The following MCC variants were observed in gnomAD, a reference collection of about 807,000 sequenced individuals.
MCC encodes the protein MCC regulator of Wnt signaling pathway.
Under a neutral mutation model 116.2 loss-of-function variants are expected in MCC, and 90 were observed. That is an observed-to-expected ratio of 0.77 (90% CI 0.65 to 0.92). MCC has a LOEUF of 0.92. MCC is among the 40% of genes least tolerant of loss of function. The pLI is 0.00. For synonymous variants in MCC, 578 were observed against 510.5 expected (o/e 1.13, Z -1.78); for missense variants, 1,516 against 1,312.2 (o/e 1.16, Z -2.40).
At chr5:113,360,296 G>C (rs1406032613) in intron 2 of MCC, among the ~76,000 whole-genome samples, 1 of 152,136 alleles carries the variant, frequency 6.6e-6, no homozygotes, top group Non-Finnish European at 1.5e-5. Context: ...TCTTAATGTG[G>C]TGGATTACAT....
chr5:113,139,831 C>G (rs112262256), intron 5 of MCC, among the ~76,000 whole-genome samples: 1,625 of 152,290 alleles, frequency 0.011, 18 homozygotes, highest in Non-Finnish European at 0.017. Context: ...AAGCGATTCT[C>G]CTGCCTCAGC....
chr5:113,403,303 A>T (rs769527420), intron 1 of MCC, among the ~76,000 whole-genome samples: 2 of 152,174 alleles, frequency 1.3e-5, no homozygotes, highest in Non-Finnish European at 2.9e-5. Context: ...AAGAACATTT[A>T]AGTCTATTTC....
chr5:113,339,449 G>C (rs1192315921), intron 3 of MCC, among the ~76,000 whole-genome samples: 1 of 151,786 alleles, frequency 6.6e-6, no homozygotes, highest in East Asian at 1.9e-4. Context: ...GCGTGCATGT[G>C]TGTTTTACTG....
At chr5:113,280,880 A>G (rs945056206) in intron 3 of MCC, among the ~76,000 whole-genome samples, 1 of 152,212 alleles carries the variant, frequency 6.6e-6, no homozygotes, top group African/African-American at 2.4e-5. Flanking sequence ...GAGATGACCC[A>G]GCCATGGAAG....
chr5:113,221,848 A>G (rs1021212000), intron 3 of MCC, among the ~76,000 whole-genome samples: 2 of 151,006 alleles, frequency 1.3e-5, no homozygotes, highest in Non-Finnish European at 2.9e-5. Context: ...AACATTTGGG[A>G]AGACTGATTT....
At chr5:113,033,795 C>T (rs1751127154) in intron 17 of MCC, among the ~76,000 whole-genome samples, 1 of 152,220 alleles carries the variant, frequency 6.6e-6, no homozygotes, top group Non-Finnish European at 1.5e-5. Flanking sequence ...TCCCCCAGTA[C>T]ACACATGGAT....
intron 3 of MCC, among the ~76,000 whole-genome samples, chr5:113,289,466 A>G: frequency 6.6e-6 from 1 of 152,048 alleles, no homozygotes; most frequent in East Asian, 1.9e-4. Flanking sequence ...GGTGTTTTCT[A>G]CTTACTTCTT....
Position 113,340,622 on chromosome 5 carries a change from C to T in MCC, c.524G>A (p.Gly175Asp). ...QSALQKLLEY[G>D]GSSLHQQAAL... ...AGCCTGCTGATGCAAAGAGCTTCCGCCATACTCGAGCAGCTTCTGGAGGGC... is the reference window on the plus strand; with the variant it reads ...AGCCTGCTGATGCAAAGAGCTTCCGTCATACTCGAGCAGCTTCTGGAGGGC... The change falls in exon 3 of 19, where the codon GGC becomes GAC. Residue 175 changes from glycine to aspartate, a missense_variant. Transcript: ENST00000408903. The T allele has an allele frequency of 1.2e-6, 2 of 1,614,146 alleles. No individual in the cohort carries two copies. The highest frequency in any genetic ancestry group is 1.1e-5 in the South Asian group (1 of 91,086).
chr5:113,416,010 C>A (rs1443871815), intron 1 of MCC, among the ~76,000 whole-genome samples: 1 of 152,012 alleles, frequency 6.6e-6, no homozygotes, highest in Non-Finnish European at 1.5e-5. Flanking sequence ...TGTTAGTTTC[C>A]TTCTAACAGT....
chr5:113,248,963 C>T (rs528650865), intron 3 of MCC, among the ~76,000 whole-genome samples: 1 of 152,122 alleles, frequency 6.6e-6, no homozygotes, highest in African/African-American at 2.4e-5. Context: ...CCTGCCTCAG[C>T]CTCCCGAGTA....
Position 113,385,155 on chromosome 5 carries a change from G to A in MCC, c.228C>T (p.Ile76=), listed in dbSNP as rs1769223863. 6.2e-7 allele frequency: 1 copy of A among 1,614,104 alleles called. No individual in the cohort carries two copies. ...TTTCATCTGCTCCCAACTGGTTCAT[G>A]ATCTCAGCCACAGACTCTTCCATAT... ...QLNMEESVAE[I]MNQLGADENG... Residue 76 remains isoleucine, a synonymous_variant, in exon 2 of 19, where the codon ATC becomes ATT. Transcript: ENST00000408903.
intron 3 of MCC, among the ~76,000 whole-genome samples, chr5:113,287,218 A>T (rs957538020): frequency 5.4e-5 from 8 of 148,648 alleles, no homozygotes; most frequent in African/African-American, 2.0e-4. Flanking sequence ...CTGATTTTAT[A>T]ACCTTGCCAA....
In MCC at chr5:113,200,227, C is replaced by T. The variant is rs6859318; in HGVS notation, c.628-48805G>A. Among the ~76,000 whole-genome samples, 1,115 of 152,234 alleles carry T rather than the reference C, an allele frequency of 7.3e-3. 13 individuals are homozygous for T. Among genetic ancestry groups the T allele is most frequent in the African/African-American group, 0.025 (1,033 of 41,538 alleles). On this transcript the variant is annotated intron_variant, in intron 3 of 18. Transcript: ENST00000408903. Reference sequence around the variant, plus strand: ...CCTAATAGGAAAAAATAAAAGGGAGCTGGAATCTCATTATAAATGCATGGT... The same window carrying T: ...CCTAATAGGAAAAAATAAAAGGGAGTTGGAATCTCATTATAAATGCATGGT...
chr5:113,130,124 G>C (rs1758335276), intron 5 of MCC, among the ~76,000 whole-genome samples: 1 of 152,134 alleles, frequency 6.6e-6, no homozygotes, highest in South Asian at 2.1e-4. Flanking sequence ...AAAAAATGTG[G>C]CACATATATA....
chr5:113,029,913 T>G (rs1283957037), intron 17 of MCC, among the ~76,000 whole-genome samples: 1 of 152,174 alleles, frequency 6.6e-6, no homozygotes, highest in Non-Finnish European at 1.5e-5. Context: ...TCATGTTGGG[T>G]TCTAGAGTGG....
In MCC at chr5:113,301,130, G is replaced by A. The variant is rs1766851338; in HGVS notation, c.627+39389C>T. 6.6e-5 allele frequency among the ~76,000 whole-genome samples: 10 copies of A among 152,320 alleles called. 2 individuals are homozygous for A. In the South Asian group the frequency reaches 2.1e-3, roughly 32 times the overall value. ...TGGAAAAGATCCCTGCTTTCACAGA[G>A]CTAGCACTCTTGATGGGAAATGATT... On this transcript the variant is annotated intron_variant, in intron 3 of 18. Coordinates refer to ENST00000408903, the MANE Select transcript of MCC (RefSeq NM_001085377.2).
chr5:113,452,442 C>T (rs1392615776), intron 1 of MCC, among the ~76,000 whole-genome samples: 1 of 152,132 alleles, frequency 6.6e-6, no homozygotes, highest in Non-Finnish European at 1.5e-5. Context: ...GGGATTAGTG[C>T]CCTTATAAAG....
At chr5:113,045,326 C>T (rs1471617935) in intron 16 of MCC, among the ~76,000 whole-genome samples, 4 of 149,634 alleles carry the variant, frequency 2.7e-5, no homozygotes, top group Non-Finnish European at 6.0e-5. Context: ...AGCATAAGCA[C>T]CCACCCAGTG....
At chr5:113,239,632 T>C (rs1581300178) in intron 3 of MCC, among the ~76,000 whole-genome samples, 1 of 152,314 alleles carries the variant, frequency 6.6e-6, no homozygotes, top group African/African-American at 2.4e-5. Context: ...GGAAGAGGAC[T>C]CGAGTTCTGA....
Sources: gnomAD v4.1 joint callset for allele counts (sites outside exome capture counted in the v4.1 genomes callset) on GRCh38, gnomAD v4.1.1 for gene constraint, MANE v1.5 for transcripts, NCBI Gene and HGNC (gene_info 2026-07-23, HGNC 2026-07-21) for gene names.